Variants in UBE2H observed in about 807,000 individuals in gnomAD.
The protein encoded by UBE2H is ubiquitin-conjugating enzyme E2 H.
UBE2H carries 3 observed loss-of-function variants against 29.0 expected under a neutral mutation model. The ratio of observed to expected loss-of-function variants is 0.10; its 90% confidence interval spans 0.05 to 0.27. The LOEUF is 0.27. Ranked by LOEUF, UBE2H falls within the 10% of genes least tolerant of loss-of-function variation. The pLI, the probability that UBE2H is intolerant of heterozygous loss-of-function variation, is 1.00. For synonymous variants in UBE2H, 69 were observed against 82.9 expected, an observed-to-expected ratio of 0.83 and a Z score of 0.91; for missense variants, 68 against 228.2, an observed-to-expected ratio of 0.30 and a Z score of 4.52.
chr7:129,915,324 C>T (rs1807022331), intron 1 of UBE2H, among the ~76,000 whole-genome samples: 1 of 152,114 alleles, frequency 6.6e-6, no homozygotes, highest in African/African-American at 2.4e-5. Context: ...ATCACGAGGT[C>T]AGGAGATCGA....
chr7:129,943,904 G>A (rs776063420), intron 1 of UBE2H, among the ~76,000 whole-genome samples: 56 of 151,760 alleles, frequency 3.7e-4, no homozygotes, highest in Non-Finnish European at 7.5e-4. Context: ...AAGATAAAGT[G>A]TTTAAATCAT....
chr7:129,857,366 C>T (rs1173685362), intron 5 of UBE2H, 145 bp downstream of exon 5: 2 of 727,202 alleles, frequency 2.8e-6, no homozygotes, highest in South Asian at 2.0e-5. Context: ...AACATTTTTT[C>T]CACTGATCAA....
chr7:129,879,376 G>T (rs887299783), intron 3 of UBE2H, among the ~76,000 whole-genome samples, 192 bp downstream of exon 3: 1 of 152,164 alleles, frequency 6.6e-6, no homozygotes, highest in Non-Finnish European at 1.5e-5. Flanking sequence ...ATTATGCAAA[G>T]AGTATATTTA....
chr7:129,938,886 C>T (rs1035512081), intron 1 of UBE2H, among the ~76,000 whole-genome samples: 4 of 151,760 alleles, frequency 2.6e-5, no homozygotes, highest in Non-Finnish European at 4.4e-5. Flanking sequence ...GCAACCTCCA[C>T]CTCCTAGGTT....
At chr7:129,877,151 C>T (rs775914661) in intron 3 of UBE2H, among the ~76,000 whole-genome samples, 14 of 152,104 alleles carry the variant, frequency 9.2e-5, no homozygotes, top group Non-Finnish European at 1.5e-4. Flanking sequence ...CATACACAAA[C>T]ACACAAAATA....
At chr7:129,870,308 A>G (rs1245232743) in intron 3 of UBE2H, among the ~76,000 whole-genome samples, 1 of 152,156 alleles carries the variant, frequency 6.6e-6, no homozygotes, top group Non-Finnish European at 1.5e-5. Context: ...AATCCTTCAG[A>G]ATCTTCCATT....
At chr7:129,919,100 T>TAAAAAAAAAAAA (rs1204331286) in intron 1 of UBE2H, among the ~76,000 whole-genome samples, 3 of 72,128 alleles carry the variant, frequency 4.2e-5, no homozygotes, top group African/African-American at 1.3e-4. Flanking sequence ...AAAAACAAAG[T>TAAAAAAAAAAAA]AAAAAAAAAA....
intron 1 of UBE2H, among the ~76,000 whole-genome samples, chr7:129,946,239 T>C (rs1013801536): frequency 6.6e-6 from 1 of 151,608 alleles, no homozygotes; most frequent in African/African-American, 2.4e-5. Flanking sequence ...TTTTGTATTT[T>C]TAGTAGAGAT....
intron 6 of UBE2H, 102 bp downstream of exon 6, chr7:129,839,105 A>G: frequency 1.2e-5 from 18 of 1,508,942 alleles, no homozygotes; most frequent in Non-Finnish European, 1.6e-5. Flanking sequence ...TAGGCCTAAG[A>G]AAAAGTATTA....
At chr7:129,854,198 G>A (rs895783838) in intron 5 of UBE2H, among the ~76,000 whole-genome samples, 8 of 151,730 alleles carry the variant, frequency 5.3e-5, no homozygotes, top group African/African-American at 9.7e-5. Flanking sequence ...AATGCCAGAG[G>A]CTTTAACAGT....
At chr7:129,869,072 G>A (rs1414837068) in intron 3 of UBE2H, among the ~76,000 whole-genome samples, 1 of 151,970 alleles carries the variant, frequency 6.6e-6, no homozygotes, top group African/African-American at 2.4e-5. Flanking sequence ...GAGTAGCTGG[G>A]ATTACAGGCA....
rs556065352 is a variant in UBE2H at position 129,948,668 on chromosome 7, A to G, written c.53+3835T>C. Among the ~76,000 whole-genome samples the G allele has an allele frequency of 8.7e-4, 132 of 152,214 alleles. 1 individual carries two copies. The highest frequency in any genetic ancestry group is 3.4e-3 in the Middle Eastern group (1 of 294). ...GGTCTCTACAAAAAATGTAAAAATA[A>G]ATAAGGGGGGGATCCTATTACTGAA... On this transcript the variant is annotated intron_variant, in intron 1 of 6. Coordinates refer to ENST00000355621, the MANE Select transcript of UBE2H (RefSeq NM_003344.4).
intron 5 of UBE2H, among the ~76,000 whole-genome samples, chr7:129,844,873 A>T (rs1805485623): frequency 6.6e-6 from 1 of 152,364 alleles, no homozygotes; most frequent in South Asian, 2.1e-4. Context: ...TCATGCCTGT[A>T]ATCCTAGCAC....
chr7:129,842,574 A>G (rs1805446702), intron 5 of UBE2H, among the ~76,000 whole-genome samples: 1 of 152,210 alleles, frequency 6.6e-6, no homozygotes, highest in Non-Finnish European at 1.5e-5. Flanking sequence ...GTGAGTTATT[A>G]AGGCAGTGGT....
intron 1 of UBE2H, among the ~76,000 whole-genome samples, chr7:129,942,895 T>A (rs1408176948): frequency 6.6e-6 from 1 of 151,794 alleles, no homozygotes; most frequent in Non-Finnish European, 1.5e-5. Flanking sequence ...GGGGTTGGAG[T>A]GCAGTGGCAT....
intron 3 of UBE2H, among the ~76,000 whole-genome samples, chr7:129,875,867 T>C (rs572778090): frequency 6.6e-6 from 1 of 152,354 alleles, no homozygotes; most frequent in East Asian, 1.9e-4. Flanking sequence ...TCTGCAGCAA[T>C]TTCTTTGCAT....
In UBE2H at chr7:129,835,711, C is replaced by T. The variant is rs149165374; in HGVS notation, c.428-650G>A. 2.6e-3 allele frequency among the ~76,000 whole-genome samples: 397 copies of T among 152,260 alleles called. 4 individuals carry two copies. The highest frequency in any genetic ancestry group is 9.2e-3 in the African/African-American group (382 of 41,560). ...CCTAGGCTGAATAAGACTGCTGAAA[C>T]GGCTTTTAAGAACTGCTGAATAAAC... On this transcript the variant is annotated intron_variant, in intron 6 of 6. Coordinates refer to ENST00000355621, the MANE Select transcript of UBE2H (RefSeq NM_003344.4).
At chr7:129,884,648 A>G (rs942940077) in intron 1 of UBE2H, among the ~76,000 whole-genome samples, 11 of 149,202 alleles carry the variant, frequency 7.4e-5, no homozygotes, top group Non-Finnish European at 7.4e-5. Flanking sequence ...GCTACAGTGC[A>G]GTAGCATGAT....
chr7:129,912,171 TTA>T (rs1806950909), intron 1 of UBE2H, among the ~76,000 whole-genome samples: 1 of 152,174 alleles, frequency 6.6e-6, no homozygotes, highest in Non-Finnish European at 1.5e-5. Flanking sequence ...GCCCATCCAT[TTA>T]CGTATTATTG....
Sources: gnomAD v4.1 joint callset for allele counts (sites outside exome capture counted in the v4.1 genomes callset) on GRCh38, gnomAD v4.1.1 for gene constraint, MANE v1.5 for transcripts, NCBI Gene and HGNC (gene_info 2026-07-23, HGNC 2026-07-21) for gene names.